The following HTR2A variants were observed in gnomAD, a reference collection of about 807,000 sequenced individuals.
The protein encoded by HTR2A is 5-HT2 receptor.
A neutral mutation model predicts 31.0 loss-of-function variants in HTR2A; 14 were observed. The ratio of observed to expected loss-of-function variants is 0.45; its 90% CI spans 0.30 to 0.71. The LOEUF is 0.71. Ranked by LOEUF, HTR2A falls within the 30% of genes least tolerant of loss-of-function variation. The pLI is 0.09. For synonymous variants in HTR2A, 209 were observed against 225.2 expected, an observed-to-expected ratio of 0.93 and a Z score of 0.64; for missense variants, 442 against 573.3, an observed-to-expected ratio of 0.77 and a Z score of 2.34.
At chr13:46,836,109 G>A (rs897828372) in intron 3 of HTR2A, among the ~76,000 whole-genome samples, 4 of 151,590 alleles carry the variant, frequency 2.6e-5, no homozygotes, top group Non-Finnish European at 5.9e-5. Flanking sequence ...GTTCATTTTA[G>A]ATACATTCAC....
intron 3 of HTR2A, among the ~76,000 whole-genome samples, chr13:46,881,100 T>C (rs1950958294): frequency 6.6e-6 from 1 of 152,212 alleles, no homozygotes; most frequent in African/African-American, 2.4e-5. Flanking sequence ...ACCGAGGACA[T>C]GTCTTTCAAG....
chr13:46,880,566 T>A (rs1461417589), intron 3 of HTR2A, among the ~76,000 whole-genome samples: 1 of 152,100 alleles, frequency 6.6e-6, no homozygotes, highest in Non-Finnish European at 1.5e-5. Flanking sequence ...TGACCGGGCA[T>A]GGTGGCTCAC....
intron 3 of HTR2A, chr13:46,854,286 T>C (rs905426963): frequency 2.0e-5 from 3 of 152,180 alleles, no homozygotes; most frequent in African/African-American, 7.2e-5. Context: ...CATTTTCAAC[T>C]TGAATGGGAC....
Position 46,858,630 on chromosome 13 carries a change from TTAAAA to T in HTR2A, c.614-22996_614-22992del, listed in dbSNP as rs531144199. On this transcript the variant is annotated intron_variant, in intron 3 of 3. Transcript: ENST00000542664. ...TGGAAATGGAAATAAATCAGACCAG[TTAAAA>T]TAATCTAGTTTTATGCCTGTCAAAA... Among the ~76,000 whole-genome samples the T allele has an allele frequency of 6.6e-4, 101 of 152,234 alleles. 1 individual carries two copies. In the South Asian group the frequency reaches 0.013, roughly 20 times the overall value.
rs1473384918 is a variant in HTR2A at position 46,835,449 on chromosome 13, A to G, written c.804T>C (p.Cys268=). Residue 268 remains cysteine, a synonymous_variant, in exon 4 of 4, where the codon TGT becomes TGC. Transcript: ENST00000542664. ...TGGCCCGTGTGCCAAGATCACTTAC[A>G]CACAAAGTAGCTTCTTTCTGGAGTG... ...IKSLQKEATL[C]VSDLGTRAKL... is the part of the protein sequence containing the mutation. The G allele has an allele frequency of 6.2e-7, 1 of 1,614,092 alleles. No individual in the cohort carries two copies. The highest frequency in any genetic ancestry group is 8.5e-7 in the Non-Finnish European group (1 of 1,179,990).
At position 46,835,336 on chromosome 13, in the gene HTR2A, T is replaced by TAGG; in HGVS notation, c.914_916dup (p.Ser305dup). On this transcript the variant is annotated inframe_insertion, in exon 4 of 4. Transcript: ENST00000542664. ...GGACTGCATAGTCCTCCTGCCTGTG[T>TAGG]AGGACCCTGGCTCCCTATGGATCGA... The TAGG allele has an allele frequency of 6.2e-7, 1 of 1,614,110 alleles. No individual in the cohort carries two copies. Among genetic ancestry groups the TAGG allele is most frequent in the East Asian group, 2.2e-5 (1 of 44,886 alleles).
chr13:46,861,176 A>T (rs781550433), intron 3 of HTR2A, among the ~76,000 whole-genome samples: 1 of 152,226 alleles, frequency 6.6e-6, no homozygotes, highest in Non-Finnish European at 1.5e-5. Context: ...CTAGATTCAG[A>T]GGGGAATGAG....
chr13:46,878,427 C>T (rs1025606998), intron 3 of HTR2A, among the ~76,000 whole-genome samples: 1 of 152,074 alleles, frequency 6.6e-6, no homozygotes, highest in African/African-American at 2.4e-5. Context: ...TGGGGGACTT[C>T]TGGCTATAAG....
At chr13:46,856,727 G>T (rs113169292) in intron 3 of HTR2A, among the ~76,000 whole-genome samples, 28 of 152,294 alleles carry the variant, frequency 1.8e-4, no homozygotes, top group African/African-American at 6.3e-4. Flanking sequence ...GGTTAAGAGG[G>T]TTATCGTTAT....
At position 46,831,887 on chromosome 13, in the gene HTR2A, A is replaced by C. The variant is rs1593422275; in HGVS notation, c.*2950T>G. The C allele has an allele frequency of 6.6e-6, 1 of 152,234 alleles. No homozygotes were observed. The highest frequency in any genetic ancestry group is 1.5e-5 in the Non-Finnish European group (1 of 68,034). The allele number at this position is 152,234 out of a possible 1,614,324, so 9.4% of individuals were successfully genotyped here. On this transcript the variant is annotated 3_prime_UTR_variant, in exon 4 of 4. Coordinates refer to ENST00000542664, the MANE Select transcript of HTR2A (RefSeq NM_000621.5). ...TTGAATATAGAGGAATCTATCATTC[A>C]ACTTAAAGTAGAGCAAGGTTTGTTA...
Position 46,835,617 on chromosome 13 carries a change from G to C in HTR2A, c.636C>G (p.Val212=). The change falls in exon 4 of 4, where the codon GTC becomes GTG. Residue 212 remains valine (V), a synonymous_variant. Transcript: ENST00000542664. ...CCTTCGAATCGTCCTGTAGCCCAAA[G>C]ACTGGTATTGGCATGGATATACCTG... ...ISVGISMPIP[V]FGLQDDSKVF... The C allele has an allele frequency of 6.2e-7, 1 of 1,613,324 alleles. No homozygotes were observed. The highest frequency in any genetic ancestry group is 8.5e-7 in the Non-Finnish European group (1 of 1,179,546).
intron 3 of HTR2A, among the ~76,000 whole-genome samples, chr13:46,851,645 A>G (rs1218744888): frequency 6.6e-6 from 1 of 152,228 alleles, no homozygotes; most frequent in African/African-American, 2.4e-5. Flanking sequence ...CCTTTTAGCA[A>G]CATTCTGGGC....
upstream of HTR2A, among the ~76,000 whole-genome samples, chr13:46,898,050 T>C (rs1297282671): frequency 2.0e-5 from 3 of 152,306 alleles, no homozygotes; most frequent in East Asian, 5.8e-4. Flanking sequence ...TCGTCTCCGG[T>C]GCTACCTCTG....
At chr13:46,858,019 T>G (rs2224721) in intron 3 of HTR2A, among the ~76,000 whole-genome samples, 108,363 of 151,984 alleles carry the variant, frequency 0.71, 39,336 homozygotes, top group Non-Finnish European at 0.79. Flanking sequence ...ATGAGAAACA[T>G]TGCCACTGGG....
chr13:46,853,550 G>C (rs764922322), intron 3 of HTR2A, among the ~76,000 whole-genome samples: 8 of 152,176 alleles, frequency 5.3e-5, no homozygotes, highest in Non-Finnish European at 1.0e-4. Context: ...GTATCAGGCT[G>C]TTTTAAACCT....
In HTR2A at chr13:46,835,374, C is replaced by G; in HGVS notation, c.879G>C (p.Lys293Asn). The G allele has an allele frequency of 6.2e-7, 1 of 1,614,068 alleles. No individual in the cohort carries two copies. The highest frequency in any genetic ancestry group is 8.5e-7 in the Non-Finnish European group (1 of 1,179,978). The change falls in exon 4 of 4, where the codon AAG becomes AAC. Residue 293 changes from lysine (K) to asparagine (N), a missense_variant. Coordinates refer to ENST00000542664, the MANE Select transcript of HTR2A (RefSeq NM_000621.5). ...FLPQSSLSSE[K>N]LFQRSIHREP... ...CCCTATGGATCGACCGCTGGAAGAG[C>G]TTTTCTGAAGACAAAGAACTCTGAG... is the stretch of plus-strand genomic sequence containing the variant.
chr13:46,860,311 T>C (rs1950769866), intron 3 of HTR2A, among the ~76,000 whole-genome samples: 1 of 152,154 alleles, frequency 6.6e-6, no homozygotes, highest in African/African-American at 2.4e-5. Flanking sequence ...AATAATGACA[T>C]AGAGTAACAT....
At chr13:46,842,367 G>T (rs762611554) in intron 3 of HTR2A, among the ~76,000 whole-genome samples, 29 of 152,156 alleles carry the variant, frequency 1.9e-4, no homozygotes, top group Non-Finnish European at 3.7e-4. Context: ...GGCAGATTTT[G>T]GAGTGATTCT....
At chr13:46,852,807 A>C (rs774707807) in intron 3 of HTR2A, among the ~76,000 whole-genome samples, 36 of 152,196 alleles carry the variant, frequency 2.4e-4, no homozygotes, top group Admixed American at 3.3e-4. Flanking sequence ...CATGCTCCTC[A>C]AAAAATTTTA....
Sources: gnomAD v4.1 joint callset for allele counts (sites outside exome capture counted in the v4.1 genomes callset) on GRCh38, gnomAD v4.1.1 for gene constraint, MANE v1.5 for transcripts, NCBI Gene and HGNC (gene_info 2026-07-23, HGNC 2026-07-21) for gene names.